The following PCNX1 variants were observed in gnomAD, a reference collection of about 807,000 sequenced individuals.
PCNX1 encodes the protein pecanex-like protein 1.
In PCNX1, 78 loss-of-function variants were observed where a neutral mutation model predicts 242.2. The observed-to-expected ratio is 0.32, with a 90% confidence interval of 0.27 to 0.39. The LOEUF (loss-of-function observed/expected upper bound fraction) is 0.39, where lower values mean the gene tolerates loss of function less well. Among genes scored for constraint, PCNX1 ranks in the 10% least tolerant of loss-of-function variants. The probability of loss-of-function intolerance (pLI) is 1.00; values close to 1 mark genes in which losing one functional copy is unlikely to be tolerated. For missense variants in PCNX1, 2,581 were observed against 2,856.5 expected (o/e 0.90, Z 2.20); for synonymous variants, 1,024 against 1,032.9 (o/e 0.99, Z 0.17).
intron 19 of PCNX1, among the ~76,000 whole-genome samples, chr14:71,037,784 G>A (rs1356203721): frequency 6.6e-6 from 1 of 150,960 alleles, no homozygotes; most frequent in South Asian, 2.1e-4. Context: ...TAAGCCAAAA[G>A]AACAAAGCTG....
intron 1 of PCNX1, among the ~76,000 whole-genome samples, chr14:70,921,631 A>G (rs2056379053): frequency 6.6e-6 from 1 of 152,194 alleles, no homozygotes; most frequent in Admixed American, 6.5e-5. Context: ...ATTGAAAAAT[A>G]TACTTAAAAT....
chr14:70,986,815 A>G (rs578012977), intron 6 of PCNX1, among the ~76,000 whole-genome samples: 1 of 152,350 alleles, frequency 6.6e-6, no homozygotes, highest in South Asian at 2.1e-4. Context: ...TAAATTGAGC[A>G]TAGTAGTTTG....
At chr14:71,073,093 G>A (rs1414886257) in intron 26 of PCNX1, among the ~76,000 whole-genome samples, 2 of 152,216 alleles carry the variant, frequency 1.3e-5, no homozygotes, top group African/African-American at 4.8e-5. Flanking sequence ...CGCAAGGTCT[G>A]GAGTTCAAGA....
chr14:71,091,078 A>C (rs2062116755), intron 30 of PCNX1, among the ~76,000 whole-genome samples: 1 of 152,240 alleles, frequency 6.6e-6, no homozygotes, highest in Admixed American at 6.5e-5. Flanking sequence ...AATTGGAACC[A>C]AGAAGCCATG....
rs1353930491 is a variant in PCNX1, at chr14:71,073,731, A to G, written c.5039A>G (p.Asp1680Gly). Residue 1680 changes from aspartate (D) to glycine (G), a missense_variant, in exon 27 of 36, where the codon GAT (aspartate) becomes GGT (glycine). Asp to Gly is a moderately conservative substitution (Grantham distance 94). Coordinates refer to ENST00000304743, the MANE Select transcript of PCNX1 (RefSeq NM_014982.3). ...ATTCTGGAGGGTTATAGCATCACTG[A>G]TAACAGTGCTGCTTCTATGCTTCAA... is the stretch of plus-strand genomic sequence containing the variant. ...KYILEGYSITDNSAASMLQVF... is the reference protein window; with the variant it reads ...KYILEGYSITGNSAASMLQVF... 14 of 1,612,658 alleles carry G rather than the reference A, an allele frequency of 8.7e-6. No homozygotes were observed. The highest frequency in any genetic ancestry group is 1.2e-5 in the Non-Finnish European group (14 of 1,178,680).
intron 25 of PCNX1, among the ~76,000 whole-genome samples, chr14:71,057,126 A>C (rs902924280): frequency 6.6e-6 from 1 of 151,928 alleles, no homozygotes; most frequent in Non-Finnish European, 1.5e-5. Context: ...TACTTCCTTT[A>C]CTAAATAGTC....
chr14:70,974,811 G>GA, intron 5 of PCNX1, among the ~76,000 whole-genome samples: 1 of 152,246 alleles, frequency 6.6e-6, no homozygotes, highest in Non-Finnish European at 1.5e-5. Flanking sequence ...TTGATTCGAT[G>GA]AAAAATGTAT....
chr14:71,098,911 C>G (rs1467718042), intron 30 of PCNX1, among the ~76,000 whole-genome samples: 1 of 152,080 alleles, frequency 6.6e-6, no homozygotes, highest in Non-Finnish European at 1.5e-5. Flanking sequence ...AGCTTTTCCC[C>G]ATTCAGTATG....
At chr14:71,059,063 T>C (rs757235636) in intron 26 of PCNX1, among the ~76,000 whole-genome samples, 11 of 141,772 alleles carry the variant, frequency 7.8e-5, no homozygotes, top group Non-Finnish European at 1.6e-4. Flanking sequence ...TTTTTTAATT[T>C]TAATTTTTTA....
In PCNX1 at chr14:71,007,208, C is replaced by G. The variant is rs145382525; in HGVS notation, c.2630-2426C>G. On this transcript the variant is annotated intron_variant, in intron 8 of 35. Transcript: ENST00000304743. ...TTAGAAAAGCTTTTTTTTTTGCATT[C>G]TTTATGTTTATTTATTTAAAATGCA... Among the ~76,000 whole-genome samples, 8 of 149,574 alleles carry G rather than the reference C, an allele frequency of 5.3e-5. No homozygotes were observed. In the East Asian group the frequency reaches 1.6e-3, roughly 29 times the overall value.
At chr14:71,059,547 C>A (rs1057102093) in intron 26 of PCNX1, among the ~76,000 whole-genome samples, 3 of 151,890 alleles carry the variant, frequency 2.0e-5, no homozygotes, top group Non-Finnish European at 4.4e-5. Context: ...CCACTCCTGG[C>A]TAATTTTTTT....
chr14:71,004,056 G>A (rs2059585736), intron 8 of PCNX1, among the ~76,000 whole-genome samples: 1 of 152,222 alleles, frequency 6.6e-6, no homozygotes, highest in African/African-American at 2.4e-5. Flanking sequence ...ACCACCGCCT[G>A]TGGGCTAAGT....
chr14:70,950,779 GT>G (rs1288658164), intron 2 of PCNX1, among the ~76,000 whole-genome samples: 3 of 151,826 alleles, frequency 2.0e-5, no homozygotes, highest in Non-Finnish European at 4.4e-5. Context: ...TTGTTATTCT[GT>G]GAATTGTATA....
At chr14:71,051,596 A>G (rs1166313923) in intron 23 of PCNX1, among the ~76,000 whole-genome samples, 2 of 152,212 alleles carry the variant, frequency 1.3e-5, no homozygotes, top group Non-Finnish European at 2.9e-5. Flanking sequence ...TGGAAAATTG[A>G]ACTCTAACAT....
At position 70,910,157 on chromosome 14, in the gene PCNX1, T is replaced by TCCTCCC. The variant is rs2055809611; in HGVS notation, c.153+2159_153+2160insCCCTCC. On this transcript the variant is annotated intron_variant, in intron 1 of 35. Coordinates refer to ENST00000304743, the MANE Select transcript of PCNX1 (RefSeq NM_014982.3). ...CTCCTCCCCCTCCCCCTCCTCCCCC[T>TCCTCCC]CCTCCTCCTCCTCCTCCTCCTCCTC... 7.0e-4 allele frequency among the ~76,000 whole-genome samples: 2 copies of TCCTCCC among 2,844 alleles called. 1 individual carries two copies. Among genetic ancestry groups the TCCTCCC allele is most frequent in the Non-Finnish European group, 2.0e-3 (2 of 1,016 alleles). 1.9% of individuals were successfully genotyped at this position (2,844 alleles called of 152,430 possible).
At chr14:71,081,807 C>A (rs1049202327) in intron 28 of PCNX1, among the ~76,000 whole-genome samples, 2 of 152,168 alleles carry the variant, frequency 1.3e-5, no homozygotes, top group African/African-American at 4.8e-5. Flanking sequence ...TTTCAAAAAA[C>A]CAGCTCCTGG....
intron 16 of PCNX1, chr14:71,032,025 G>A: frequency 4.5e-6 from 4 of 880,772 alleles, no homozygotes; most frequent in African/African-American, 1.6e-5. Context: ...CACACACAAG[G>A]AGTGGGTTTA....
chr14:70,998,751 A>C (rs1037817904), intron 8 of PCNX1, among the ~76,000 whole-genome samples: 1 of 33,712 alleles, frequency 3.0e-5, no homozygotes, highest in Admixed American at 4.6e-4. Context: ...ACCCTATCTC[A>C]AAAAAAAAAA....
intron 2 of PCNX1, among the ~76,000 whole-genome samples, chr14:70,956,332 C>T (rs2057992735): frequency 6.6e-6 from 1 of 151,956 alleles, no homozygotes; most frequent in Non-Finnish European, 1.5e-5. Context: ...CCCTTGAGGC[C>T]AGGGTTTTGA....
Sources: gnomAD v4.1 joint callset for allele counts (sites outside exome capture counted in the v4.1 genomes callset) on GRCh38, gnomAD v4.1.1 for gene constraint, MANE v1.5 for transcripts, NCBI Gene and HGNC (gene_info 2026-07-23, HGNC 2026-07-21) for gene names.